DIP2C: variants seen among roughly 807,000 people sequenced by gnomAD.
DIP2C encodes disco-interacting protein 2 homolog C.
In DIP2C, 33 loss-of-function variants were observed where a neutral mutation model predicts 192.4. The observed-to-expected ratio is 0.17, with a 90% confidence interval of 0.13 to 0.23. The LOEUF (loss-of-function observed/expected upper bound fraction) is 0.23, where lower values mean the gene tolerates loss of function less well. DIP2C is among the 10% of genes least tolerant of loss of function. The probability of loss-of-function intolerance (pLI) is 1.00; values close to 1 mark genes in which losing one functional copy is unlikely to be tolerated. For missense variants in DIP2C, 1,537 were observed against 2,110.1 expected (o/e 0.73, Z 5.32); for synonymous variants, 979 against 864.1 (o/e 1.13, Z -2.33).
chr10:473,457 A>AT (rs1970804664), intron 2 of DIP2C, among the ~76,000 whole-genome samples: 1 of 147,004 alleles, frequency 6.8e-6, no homozygotes, highest in Non-Finnish European at 1.5e-5. Flanking sequence ...ATCCTATGTC[A>AT]TCCCCACAGT....
intron 17 of DIP2C, among the ~76,000 whole-genome samples, chr10:378,854 CAT>C (rs757736159): frequency 2.1e-4 from 31 of 151,114 alleles, no homozygotes; most frequent in South Asian, 4.2e-4. Context: ...TGCATAGACA[CAT>C]GTGAACAGAC....
intron 32 of DIP2C, among the ~76,000 whole-genome samples, chr10:297,942 C>G (rs1348545110): frequency 6.6e-6 from 1 of 152,294 alleles, no homozygotes; most frequent in Non-Finnish European, 1.5e-5. Context: ...GTTAAAAATA[C>G]ACTTTTTAGG....
intron 1 of DIP2C, among the ~76,000 whole-genome samples, chr10:496,510 T>G (rs1564788980): frequency 6.7e-6 from 1 of 148,940 alleles, no homozygotes; most frequent in Non-Finnish European, 1.5e-5. Context: ...CCCGTGTACT[T>G]AAAATCTCTA....
intron 1 of DIP2C, among the ~76,000 whole-genome samples, chr10:551,931 C>T (rs1848613336): frequency 6.6e-6 from 1 of 152,222 alleles, no homozygotes; most frequent in Non-Finnish European, 1.5e-5. Flanking sequence ...CAGGACACCC[C>T]TGCCAGCATC....
chr10:333,507 C>T (rs1006431088), intron 29 of DIP2C, among the ~76,000 whole-genome samples: 5 of 152,338 alleles, frequency 3.3e-5, no homozygotes, highest in African/African-American at 1.2e-4. Flanking sequence ...CAGAAGCACC[C>T]ACCATGTGGA....
chr10:333,020 A>C (rs1439755555), intron 29 of DIP2C, among the ~76,000 whole-genome samples: 1 of 152,226 alleles, frequency 6.6e-6, no homozygotes, highest in East Asian at 1.9e-4. Flanking sequence ...CTCCTGCCTC[A>C]TGCTCCTGAG....
intron 4 of DIP2C, among the ~76,000 whole-genome samples, chr10:427,298 C>T (rs984701105): frequency 6.6e-6 from 1 of 152,194 alleles, no homozygotes; most frequent in South Asian, 2.1e-4. Context: ...CTTGTAAGGA[C>T]GTTCTTGATT....
intron 1 of DIP2C, among the ~76,000 whole-genome samples, chr10:497,856 G>A (rs1194574767): frequency 6.6e-6 from 1 of 152,222 alleles, no homozygotes; most frequent in African/African-American, 2.4e-5. Context: ...TTGGGACAGG[G>A]AAAACATATG....
chr10:425,215 CGG>C, intron 4 of DIP2C, among the ~76,000 whole-genome samples: 3 of 78,534 alleles, frequency 3.8e-5, no homozygotes, highest in African/African-American at 1.5e-4. Context: ...TAATATGACA[CGG>C]ATGATACAGC....
intron 31 of DIP2C, among the ~76,000 whole-genome samples, chr10:320,260 T>G (rs139523219): frequency 6.6e-6 from 1 of 152,276 alleles, no homozygotes; most frequent in Non-Finnish European, 1.5e-5. Context: ...CTTAAAAGAA[T>G]CAACTTTGGC....
At chr10:662,143 C>T in intron 1 of DIP2C, 1 of 717,178 alleles carries the variant, frequency 1.4e-6, no homozygotes, top group East Asian at 2.7e-5. Flanking sequence ...ATTCTGACCC[C>T]AATCTAACTT....
At chr10:474,461 C>T (rs538845792) in intron 2 of DIP2C, among the ~76,000 whole-genome samples, 1 of 152,338 alleles carries the variant, frequency 6.6e-6, no homozygotes, top group South Asian at 2.1e-4. Context: ...CACTGACAAC[C>T]TGGTGAGAAT....
chr10:550,452 G>T (rs1848525091), intron 1 of DIP2C, among the ~76,000 whole-genome samples: 1 of 152,184 alleles, frequency 6.6e-6, no homozygotes, highest in Admixed American at 6.5e-5. Context: ...CACCGCAGAA[G>T]GATCTATGGA....
intron 1 of DIP2C, among the ~76,000 whole-genome samples, chr10:542,903 C>T (rs980068150): frequency 2.0e-5 from 3 of 151,850 alleles, no homozygotes; most frequent in Non-Finnish European, 4.4e-5. Context: ...GGGGTTCTGA[C>T]CCTGCCTCTC....
At chr10:543,375 G>A (rs1227263196) in intron 1 of DIP2C, among the ~76,000 whole-genome samples, 11 of 152,248 alleles carry the variant, frequency 7.2e-5, no homozygotes, top group Non-Finnish European at 1.6e-4. Context: ...GCTGTGCAGG[G>A]AGATCTAACT....
chr10:639,623 T>C (rs1026384887), intron 1 of DIP2C, among the ~76,000 whole-genome samples: 5 of 152,236 alleles, frequency 3.3e-5, no homozygotes, highest in Non-Finnish European at 5.9e-5. Context: ...ATTAAACGCA[T>C]GGCAAGCTCG....
intron 1 of DIP2C, among the ~76,000 whole-genome samples, chr10:561,789 T>C (rs1291806681): frequency 6.6e-6 from 1 of 152,210 alleles, no homozygotes; most frequent in Non-Finnish European, 1.5e-5. Context: ...AAACTCAGTG[T>C]TTTCGCCATT....
At position 384,789 on chromosome 10, in the gene DIP2C, C is replaced by T. The variant is rs1026948442; in HGVS notation, c.1663-150G>A. 3 of 723,414 alleles carry T rather than the reference C, an allele frequency of 4.1e-6. No homozygotes were observed. The African/African-American group carries it at 5.3e-5, about 13-fold the overall frequency. 44.8% of individuals were successfully genotyped at this position (723,414 alleles called of 1,614,324 possible). ...CCATGCACACAGGCCCCTGGAGGCT[C>T]CTCAGGGTGGGGCTGGCAGGGATGG... On this transcript the variant is annotated intron_variant, in intron 14 of 36. Transcript: ENST00000280886.
At chr10:348,977 G>A (rs1278348889) in intron 25 of DIP2C, among the ~76,000 whole-genome samples, 1 of 152,208 alleles carries the variant, frequency 6.6e-6, no homozygotes, top group East Asian at 1.9e-4. Context: ...CAGCCTGGAG[G>A]TTTAATGTCT....
Sources: gnomAD v4.1 joint callset for allele counts (sites outside exome capture counted in the v4.1 genomes callset) on GRCh38, gnomAD v4.1.1 for gene constraint, MANE v1.5 for transcripts, NCBI Gene and HGNC (gene_info 2026-07-23, HGNC 2026-07-21) for gene names.